The following RPS6KC1 variants were observed in gnomAD, a reference collection of about 807,000 sequenced individuals.
RPS6KC1 encodes ribosomal protein S6 kinase C1, also known as inactive ribosomal protein S6 kinase delta-1.
A neutral mutation model predicts 103.8 loss-of-function variants in RPS6KC1; 54 were observed. The ratio of observed to expected loss-of-function variants is 0.52; its 90% confidence interval spans 0.42 to 0.65. The LOEUF is 0.65. RPS6KC1 is among the 30% of genes least tolerant of loss of function. RPS6KC1 has a pLI of 0.00. For missense variants in RPS6KC1, 1,151 were observed against 1,253.8 expected (o/e 0.92, Z 1.24); for synonymous variants, 439 against 438.7 (o/e 1.00, Z -0.01).
the RPS6KC1 span, among the ~76,000 whole-genome samples, chr1:213,347,931 G>A: frequency 6.6e-6 from 1 of 152,088 alleles, no homozygotes. Flanking sequence ...GGGTTATTAA[G>A]CATACCCCAG....
chr1:213,511,531 C>T, the RPS6KC1 span, among the ~76,000 whole-genome samples: 1 of 152,166 alleles, frequency 6.6e-6, no homozygotes, highest in Non-Finnish European at 1.5e-5. Flanking sequence ...ATTCCTTCAC[C>T]CCTCTGCTCC....
the RPS6KC1 span, among the ~76,000 whole-genome samples, chr1:213,761,983 G>A: frequency 6.6e-6 from 1 of 152,018 alleles, no homozygotes; most frequent in South Asian, 2.1e-4. Flanking sequence ...TTAGAGTCAT[G>A]AGGATGAAAA....
intron 4 of RPS6KC1, among the ~76,000 whole-genome samples, chr1:213,116,887 C>G (rs1212221271): frequency 1.3e-5 from 2 of 150,460 alleles, no homozygotes; most frequent in African/African-American, 2.4e-5. Context: ...GGCCCCCACT[C>G]TCTTCTGGCT....
At chr1:213,480,691 G>T in the RPS6KC1 span, among the ~76,000 whole-genome samples, 1 of 151,964 alleles carries the variant, frequency 6.6e-6, no homozygotes, top group Admixed American at 6.6e-5. Flanking sequence ...TAAAATTTTT[G>T]ATGCTTTTCT....
chr1:213,254,689 A>G (rs2094603908), intron 12 of RPS6KC1, among the ~76,000 whole-genome samples: 1 of 152,346 alleles, frequency 6.6e-6, no homozygotes, highest in East Asian at 1.9e-4. Context: ...GAGCCCTGGC[A>G]ATACATCTGT....
the RPS6KC1 span, among the ~76,000 whole-genome samples, chr1:213,600,234 T>A: frequency 6.6e-6 from 1 of 152,108 alleles, no homozygotes; most frequent in Non-Finnish European, 1.5e-5. Flanking sequence ...AGTTACCCAG[T>A]CTCAGCTATG....
intron 8 of RPS6KC1, among the ~76,000 whole-genome samples, chr1:213,222,727 A>G (rs566862172): frequency 6.6e-6 from 1 of 152,348 alleles, no homozygotes; most frequent in South Asian, 2.1e-4. Flanking sequence ...GAGTAGAAAC[A>G]CATTTTGGAT....
the RPS6KC1 span, among the ~76,000 whole-genome samples, chr1:213,295,496 A>T: frequency 6.6e-6 from 1 of 152,192 alleles, no homozygotes; most frequent in Non-Finnish European, 1.5e-5. Context: ...TGTATCCATC[A>T]TGGTCAAATT....
At chr1:213,794,990 G>A in the RPS6KC1 span, among the ~76,000 whole-genome samples, 2 of 152,190 alleles carry the variant, frequency 1.3e-5, no homozygotes, top group Non-Finnish European at 2.9e-5. Flanking sequence ...ATGTCAGCAA[G>A]ATTTCACAAT....
At chr1:213,706,627 C>T in the RPS6KC1 span, among the ~76,000 whole-genome samples, 1 of 152,034 alleles carries the variant, frequency 6.6e-6, no homozygotes. Flanking sequence ...TATACATGTG[C>T]CAGGGTTGTT....
chr1:213,074,510 T>C (rs146356055), intron 2 of RPS6KC1, among the ~76,000 whole-genome samples: 131 of 152,328 alleles, frequency 8.6e-4, no homozygotes, highest in African/African-American at 2.9e-3. Context: ...AGTGGAAGTA[T>C]ATCTTTGTTC....
chr1:213,540,674 A>G, the RPS6KC1 span, among the ~76,000 whole-genome samples: 1 of 152,228 alleles, frequency 6.6e-6, no homozygotes, highest in Non-Finnish European at 1.5e-5. Context: ...ATAAGAAAAC[A>G]ATGAAGTTTT....
At chr1:213,589,254 G>A in the RPS6KC1 span, among the ~76,000 whole-genome samples, 2 of 152,224 alleles carry the variant, frequency 1.3e-5, no homozygotes, top group African/African-American at 4.8e-5. Context: ...CCACATGTAA[G>A]TTTTTACTTT....
intron 1 of RPS6KC1, among the ~76,000 whole-genome samples, chr1:213,052,050 C>T (rs1002492382): frequency 4.6e-5 from 7 of 151,970 alleles, no homozygotes; most frequent in African/African-American, 1.7e-4. Context: ...CAGTAGGAGA[C>T]GTGAAAAAAA....
the RPS6KC1 span, among the ~76,000 whole-genome samples, chr1:213,511,174 G>A: frequency 7.5e-6 from 1 of 133,454 alleles, no homozygotes; most frequent in African/African-American, 3.7e-5. Context: ...AAAATGTTGA[G>A]GAATGTCTTT....
the RPS6KC1 span, among the ~76,000 whole-genome samples, chr1:213,800,428 G>A: frequency 1.2e-4 from 18 of 152,258 alleles, no homozygotes; most frequent in African/African-American, 4.1e-4. Flanking sequence ...AAGGATTTGG[G>A]GCAAGTTGTT....
At chr1:213,148,614 T>C (rs932501417) in intron 6 of RPS6KC1, among the ~76,000 whole-genome samples, 1 of 152,238 alleles carries the variant, frequency 6.6e-6, no homozygotes. Flanking sequence ...TCAATATTTA[T>C]CAGAGATATT....
At position 213,241,288 on chromosome 1, in the gene RPS6KC1, C is replaced by T; in HGVS notation, c.1812C>T (p.Asp604=). Residue 604 remains aspartate, a synonymous_variant, in exon 11 of 15, where the codon GAC becomes GAT. Coordinates refer to ENST00000366960, the MANE Select transcript of RPS6KC1 (RefSeq NM_012424.6). The part of the protein sequence containing the change: ...KNSPMEFFRI[D]SKDSASELLG... ...GCCCCATGGAATTCTTTAGGATAGACAGTAAGGATAGCGCAAGTGAACTCC... is the reference window on the plus strand; with the variant it reads ...GCCCCATGGAATTCTTTAGGATAGATAGTAAGGATAGCGCAAGTGAACTCC... The T allele has an allele frequency of 1.2e-6, 2 of 1,613,894 alleles. No individual in the cohort carries two copies. Among genetic ancestry groups the T allele is most frequent in the Non-Finnish European group, 1.7e-6 (2 of 1,179,934 alleles).
At chr1:213,344,956 A>G in the RPS6KC1 span, among the ~76,000 whole-genome samples, 1 of 152,212 alleles carries the variant, frequency 6.6e-6, no homozygotes, top group African/African-American at 2.4e-5. Context: ...TAGCCACTCC[A>G]GTATTTGTTG....
Sources: gnomAD v4.1 joint callset for allele counts (sites outside exome capture counted in the v4.1 genomes callset) on GRCh38, gnomAD v4.1.1 for gene constraint, MANE v1.5 for transcripts, NCBI Gene and HGNC (gene_info 2026-07-23, HGNC 2026-07-21) for gene names.